Variants in INO80D observed in about 807,000 individuals in gnomAD.
The protein encoded by INO80D is INO80 complex subunit D.
Under a neutral mutation model 87.6 loss-of-function variants are expected in INO80D, and 21 were observed. That is an observed-to-expected ratio of 0.24 (90% CI 0.17 to 0.35). The LOEUF (loss-of-function observed/expected upper bound fraction) is 0.35, where lower values mean the gene tolerates loss of function less well. INO80D is among the 10% of genes least tolerant of loss of function. The probability of loss-of-function intolerance (pLI) is 1.00; values close to 1 mark genes in which losing one functional copy is unlikely to be tolerated. For synonymous variants in INO80D, 440 were observed against 491.0 expected, an observed-to-expected ratio of 0.90 and a Z score of 1.37; for missense variants, 982 against 1,280.7, an observed-to-expected ratio of 0.77 and a Z score of 3.56.
In INO80D at chr2:206,062,099, T is replaced by C. The variant is rs923376407; in HGVS notation, c.218+700A>G. Among the ~76,000 whole-genome samples, 3 of 152,230 alleles carry C rather than the reference T, an allele frequency of 2.0e-5. No homozygotes were observed. The highest frequency in any genetic ancestry group is 7.2e-5 in the African/African-American group (3 of 41,468). ...AAAAACAATTCCACTCTTTTCTAAA[T>C]TTAGCGAAGCATAAACTCATCATTC... is the stretch of plus-strand genomic sequence containing the variant. On this transcript the variant is annotated intron_variant, in intron 3 of 10. Coordinates refer to ENST00000403263, the MANE Select transcript of INO80D (RefSeq NM_017759.5). This position sits in a 1 kb window ranked among gnomAD's most constrained non-coding sequence, Gnocchi z 4.6.
In INO80D at chr2:206,004,565, T is replaced by G; in HGVS notation, c.2887A>C (p.Met963Leu). The change falls in exon 11 of 11, where the codon ATG becomes CTG. Residue 963 changes from methionine (M) to leucine (L), a missense_variant. By Grantham distance (15) the Met-to-Leu change is conservative. Coordinates refer to ENST00000403263, the MANE Select transcript of INO80D (RefSeq NM_017759.5). This position sits in a 1 kb window ranked among gnomAD's most constrained non-coding sequence, Gnocchi z 4.9. ...FSGMGPSAELMASTSPKQQLP... is the reference protein window; with the variant it reads ...FSGMGPSAELLASTSPKQQLP... ...TGCTGCTTGGGAGAGGTGGAGGCCA[T>G]TAGTTCAGCAGAAGGCCCCATGCCA... 6.2e-7 allele frequency: 1 copy of G among 1,610,912 alleles called. No homozygotes were observed. Among genetic ancestry groups the G allele is most frequent in the Non-Finnish European group, 8.5e-7 (1 of 1,178,644 alleles).
chr2:206,042,420 G>C (rs1352206022), intron 5 of INO80D, among the ~76,000 whole-genome samples: 1 of 152,136 alleles, frequency 6.6e-6, no homozygotes, highest in Admixed American at 6.5e-5. Flanking sequence ...GGTGGCTCAC[G>C]CCTGTAATCC....
chr2:206,004,705 G>A lies in INO80D; in HGVS notation c.2747C>T (p.Thr916Ile), dbSNP rs1376927196. 1 of 1,613,984 alleles carries A rather than the reference G, an allele frequency of 6.2e-7. No homozygotes were observed. Among genetic ancestry groups the A allele is most frequent in the East Asian group, 2.2e-5 (1 of 44,870 alleles). ...LLGADGHLLSTSLSTPPTTSN... is the reference protein window; with the variant it reads ...LLGADGHLLSISLSTPPTTSN... ...AGTGGTGGGTGGCGTGGATAGGGAA[G>A]TGGAAAGAAGATGTCCATCTGCGCC... Residue 916 changes from threonine (T) to isoleucine (I), a missense_variant, in exon 11 of 11, where the codon ACT (threonine) becomes ATT (isoleucine). Thr to Ile is a moderately conservative substitution (Grantham distance 89, BLOSUM62 -1). Coordinates refer to ENST00000403263, the MANE Select transcript of INO80D (RefSeq NM_017759.5). The surrounding 1 kb of genome is among the most constrained non-coding windows in gnomAD (Gnocchi z 4.9).
At chr2:206,023,946 T>C (rs890558372) in intron 6 of INO80D, among the ~76,000 whole-genome samples, 4 of 152,172 alleles carry the variant, frequency 2.6e-5, no homozygotes, top group South Asian at 2.1e-4. Flanking sequence ...CATAGATATA[T>C]ACAGTTTTCC....
At chr2:206,052,429 G>A (rs557710342) in intron 4 of INO80D, among the ~76,000 whole-genome samples, 19 of 152,148 alleles carry the variant, frequency 1.2e-4, no homozygotes, top group East Asian at 3.9e-4. Context: ...TCCTGATCTC[G>A]TGATCCACCC....
At chr2:206,044,052 A>C (rs946260612) in intron 5 of INO80D, among the ~76,000 whole-genome samples, 4 of 151,934 alleles carry the variant, frequency 2.6e-5, no homozygotes, top group African/African-American at 7.2e-5. Context: ...AATTAGCCAA[A>C]TGTGGTGGTG....
chr2:206,017,739 C>A lies in INO80D; in HGVS notation c.1483G>T (p.Val495Leu), dbSNP rs972952059. Residue 495 changes from valine to leucine, a missense_variant, in exon 8 of 11, where the codon GTG (valine) becomes TTG (leucine). Val to Leu is a conservative substitution (Grantham distance 32). Coordinates refer to ENST00000403263, the MANE Select transcript of INO80D (RefSeq NM_017759.5). ...TGATGTGTAATGTCAAAAACTGGCA[C>A]AGAGCACTGCTGTCCATCTGCAAAC... ...AKFADGQQCS[V>L]PVFDITHQTP... 2 of 1,613,384 alleles carry A rather than the reference C, an allele frequency of 1.2e-6. No individual in the cohort carries two copies. Among genetic ancestry groups the A allele is most frequent in the Non-Finnish European group, 1.7e-6 (2 of 1,179,714 alleles).
At chr2:206,034,617 A>G (rs1575827089) in intron 5 of INO80D, among the ~76,000 whole-genome samples, 2 of 151,120 alleles carry the variant, frequency 1.3e-5, no homozygotes, top group South Asian at 4.2e-4. Context: ...GCCATCTATA[A>G]CAAACCCACA....
chr2:206,051,080 G>A (rs1413555737), intron 4 of INO80D, among the ~76,000 whole-genome samples: 4 of 151,964 alleles, frequency 2.6e-5, no homozygotes, highest in Non-Finnish European at 5.9e-5. Context: ...AAGAAAATAC[G>A]GGTGAATATG....
chr2:206,051,210 T>C (rs2105873902), intron 4 of INO80D, among the ~76,000 whole-genome samples: 1 of 152,138 alleles, frequency 6.6e-6, no homozygotes, highest in South Asian at 2.1e-4. Flanking sequence ...ATTCCTACAA[T>C]GGATATTTCT....
At chr2:206,033,079 C>A (rs1043564458) in intron 5 of INO80D, among the ~76,000 whole-genome samples, 2 of 152,176 alleles carry the variant, frequency 1.3e-5, no homozygotes, top group African/African-American at 4.8e-5. Context: ...CTATCTGCTG[C>A]CTTCAGGAGA....
chr2:206,053,800 T>C (rs1689437089), intron 4 of INO80D, among the ~76,000 whole-genome samples: 1 of 152,174 alleles, frequency 6.6e-6, no homozygotes, highest in Non-Finnish European at 1.5e-5. Context: ...TTTTTTCCAC[T>C]TTTTAATATA....
chr2:206,039,678 C>A (rs1476274181), intron 5 of INO80D, among the ~76,000 whole-genome samples: 22 of 150,570 alleles, frequency 1.5e-4, no homozygotes, highest in African/African-American at 5.4e-4. Context: ...GGCGTGGTGG[C>A]GCATGCCTGT....
In INO80D at chr2:205,998,723, G is replaced by A. The variant is rs1170908558; in HGVS notation, c.*5645C>T. 6.6e-6 allele frequency: 1 copy of A among 152,104 alleles called. No homozygotes were observed. Among genetic ancestry groups the A allele is most frequent in the Non-Finnish European group, 1.5e-5 (1 of 68,018 alleles). The allele number at this position is 152,104 out of a possible 1,614,324, so 9.4% of individuals were successfully genotyped here. On this transcript the variant is annotated 3_prime_UTR_variant, in exon 11 of 11. Coordinates refer to ENST00000403263, the MANE Select transcript of INO80D (RefSeq NM_017759.5). The stretch of plus-strand genomic sequence containing the variant: ...CTGAGATGAGAGCCTGGAGGAGAAA[G>A]GAAAAAGTCCTATGCAAGACACTGT...
chr2:206,057,189 A>C (rs1311867453), intron 3 of INO80D, among the ~76,000 whole-genome samples: 2 of 152,206 alleles, frequency 1.3e-5, no homozygotes, highest in African/African-American at 2.4e-5. Flanking sequence ...TCATTCAGTT[A>C]CTGAGTGGCC....
At position 206,056,860 on chromosome 2, in the gene INO80D, T is replaced by C; in HGVS notation, c.302A>G (p.Lys101Arg). Reference sequence around the variant, plus strand: ...CATGGTATCCATCTGGTGCCTGACCTTCACCTCATCTATAGGATCATTCTT... The same window carrying C: ...CATGGTATCCATCTGGTGCCTGACCCTCACCTCATCTATAGGATCATTCTT... Reference protein sequence around the residue: ...KKKNDPIDEVKVRHQMDTMAF... With the variant: ...KKKNDPIDEVRVRHQMDTMAF... The change falls in exon 4 of 11, where the codon AAG becomes AGG. Residue 101 changes from lysine (K) to arginine (R), a missense_variant. Physicochemically the swap from Lys to Arg is conservative, Grantham distance 26. Transcript: ENST00000403263. The C allele has an allele frequency of 1.2e-6, 2 of 1,611,556 alleles. No homozygotes were observed. The highest frequency in any genetic ancestry group is 8.5e-7 in the Non-Finnish European group (1 of 1,178,718).
intron 5 of INO80D, among the ~76,000 whole-genome samples, chr2:206,039,583 G>C (rs954999887): frequency 6.6e-6 from 1 of 151,566 alleles, no homozygotes; most frequent in Admixed American, 6.6e-5. Flanking sequence ...AGGCTGAGGT[G>C]GGGGATCACC....
In INO80D at chr2:206,002,261, A is replaced by G. The variant is rs183055130; in HGVS notation, c.*2107T>C. ...CGAGGTAACTACTCGTGACCACTTC[A>G]TTACAGTACATTAAAATAAAAAAGC... On this transcript the variant is annotated 3_prime_UTR_variant, in exon 11 of 11. Transcript: ENST00000403263. 62 of 152,338 alleles carry G rather than the reference A, an allele frequency of 4.1e-4. No individual in the cohort carries two copies. Among genetic ancestry groups the G allele is most frequent in the African/African-American group, 1.3e-3 (54 of 41,584 alleles). 9.4% of individuals were successfully genotyped at this position (152,338 alleles called of 1,614,324 possible).
intron 1 of INO80D, among the ~76,000 whole-genome samples, chr2:206,072,774 ACTT>A (rs1690009283): frequency 1.3e-5 from 2 of 152,224 alleles, no homozygotes; most frequent in African/African-American, 2.4e-5. Context: ...CATAAAGCAT[ACTT>A]ATTATAGAAT....
Sources: allele counts gnomAD v4.1 joint callset (sites outside exome capture counted in the v4.1 genomes callset), GRCh38; gene constraint gnomAD v4.1.1; non-coding constraint Gnocchi (gnomAD v3.1); transcripts MANE v1.5; gene names NCBI Gene and HGNC (gene_info 2026-07-23, HGNC 2026-07-21).